The following SLU7 variants were observed in gnomAD, a reference collection of about 807,000 sequenced individuals.
SLU7 encodes pre-mRNA-splicing factor SLU7.
A neutral mutation model predicts 87.0 loss-of-function variants in SLU7; 60 were observed. That is an observed-to-expected ratio of 0.69 (90% CI 0.56 to 0.86). The LOEUF (loss-of-function observed/expected upper bound fraction) is 0.86, where lower values mean the gene tolerates loss of function less well. SLU7 is among the 40% of genes least tolerant of loss of function. The pLI is 0.00. For synonymous variants in SLU7, 197 were observed against 222.0 expected (o/e 0.89, Z 1.00); for missense variants, 507 against 686.6 (o/e 0.74, Z 2.92).
intron 1 of SLU7, chr5:160,417,366 T>C (rs1765498800): frequency 6.6e-6 from 1 of 152,192 alleles, no homozygotes; most frequent in Non-Finnish European, 1.5e-5. Context: ...ATATCCAACA[T>C]ATTATAATTG....
At chr5:160,410,753 A>G (rs1765196945) in intron 6 of SLU7, among the ~76,000 whole-genome samples, 1 of 152,248 alleles carries the variant, frequency 6.6e-6, no homozygotes, top group Non-Finnish European at 1.5e-5. Context: ...AATCACAACA[A>G]TAATAGCTAC....
chr5:160,413,706 T>C lies in SLU7; in HGVS notation c.406-86A>G, dbSNP rs1440974044. 6.1e-5 allele frequency: 75 copies of C among 1,223,462 alleles called. 1 individual carries two copies. In the East Asian group the frequency reaches 1.7e-3, roughly 28 times the overall value. 75.8% of individuals were successfully genotyped at this position (1,223,462 alleles called of 1,614,324 possible). ...TACAACTTTTACAGAGTGGGCACTT[T>C]ACGATCTATTCAATTTACAGTTAGT... On this transcript the variant is annotated intron_variant, in intron 4 of 15. Transcript: ENST00000297151.
chr5:160,403,167 T>C lies in SLU7; in HGVS notation c.*118A>G. On this transcript the variant is annotated 3_prime_UTR_variant, in exon 16 of 16. Coordinates refer to ENST00000297151, the MANE Select transcript of SLU7 (RefSeq NM_006425.5). ...AACTTACTGTGAGGCATCTGAAATATTTATTAAAGCCAGGCAGCAAGAAGA... is the reference window on the plus strand; with the variant it reads ...AACTTACTGTGAGGCATCTGAAATACTTATTAAAGCCAGGCAGCAAGAAGA... 1.4e-6 allele frequency: 1 copy of C among 725,924 alleles called. No individual in the cohort carries two copies. The allele number at this position is 725,924 out of a possible 1,614,324, so 45.0% of individuals were successfully genotyped here. A position where few individuals can be genotyped will look rare whatever the true frequency, so the allele number is the denominator to read the frequency against.
chr5:160,406,249 A>G (rs1765005813), intron 12 of SLU7: 1 of 385,418 alleles, frequency 2.6e-6, no homozygotes, highest in Non-Finnish European at 4.6e-6. Context: ...ATAAGGCAAT[A>G]TGTTAAAAAT....
Position 160,407,930 on chromosome 5 carries a change from T to C in SLU7, c.917+41A>G, listed in dbSNP as rs1765074639. Reference sequence around the variant, plus strand: ...TGGTCAGGTCAGAAAACAATTAACTTTCTCTCATCTTAAAATCTGTACATT... The same window carrying C: ...TGGTCAGGTCAGAAAACAATTAACTCTCTCTCATCTTAAAATCTGTACATT... On this transcript the variant is annotated intron_variant, in intron 9 of 15. Coordinates refer to ENST00000297151, the MANE Select transcript of SLU7 (RefSeq NM_006425.5). This position sits in a 1 kb window ranked among gnomAD's most constrained non-coding sequence, Gnocchi z 4.2. 6.6e-7 allele frequency: 1 copy of C among 1,512,032 alleles called. No homozygotes were observed. The highest frequency in any genetic ancestry group is 9.2e-7 in the Non-Finnish European group (1 of 1,088,422). 93.7% of individuals were successfully genotyped at this position (1,512,032 alleles called of 1,614,324 possible). A position where few individuals can be genotyped will look rare whatever the true frequency, so the allele number is the denominator to read the frequency against.
In SLU7 at chr5:160,413,521, G is replaced by A. The variant is rs145536528; in HGVS notation, c.505C>T (p.Arg169Trp). 16 of 1,613,698 alleles carry A rather than the reference G, an allele frequency of 9.9e-6. No individual in the cohort carries two copies. Among genetic ancestry groups the A allele is most frequent in the African/African-American group, 8.0e-5 (6 of 74,846 alleles). Reference protein sequence around the residue: ...LMFDYDGKRDRWNGYNPEEHM... With the variant: ...LMFDYDGKRDWWNGYNPEEHM... ...TCTTCTGGATTGTAGCCATTCCACC[G>A]ATCCCTCTTCCCATCATAGTCAAAC... The change falls in exon 5 of 16, where the codon CGG (arginine) becomes TGG (tryptophan). Residue 169 changes from arginine (R) to tryptophan (W), a missense_variant. By Grantham distance (101) the Arg-to-Trp change is moderately radical (BLOSUM62 -3). This residue lies in a region of SLU7 where 155 missense variants were observed against 154.4 expected (regional missense o/e 1.00). Transcript: ENST00000297151.
At chr5:160,404,054 T>G (rs1388520078) in intron 15 of SLU7, among the ~76,000 whole-genome samples, 4 of 152,124 alleles carry the variant, frequency 2.6e-5, no homozygotes, top group African/African-American at 9.7e-5. Flanking sequence ...CACAGGCCAT[T>G]ACAAATAAAG....
chr5:160,405,627 T>C (rs2113105164), intron 12 of SLU7, among the ~76,000 whole-genome samples: 1 of 152,364 alleles, frequency 6.6e-6, no homozygotes, highest in South Asian at 2.1e-4. Context: ...GGACAATATA[T>C]GCTTTATGAT....
At position 160,414,311 on chromosome 5, in the gene SLU7, C is replaced by T; in HGVS notation, c.324+8G>A. 1 of 1,589,442 alleles carries T rather than the reference C, an allele frequency of 6.3e-7. No homozygotes were observed. The highest frequency in any genetic ancestry group is 1.2e-5 in the South Asian group (1 of 86,636). On this transcript the variant is annotated splice_region_variant and intron_variant, in intron 3 of 15. Coordinates refer to ENST00000297151, the MANE Select transcript of SLU7 (RefSeq NM_006425.5). Reference sequence around the variant, plus strand: ...ATCCATGAAGATGTATACAGGTTGCCTACATACCTCTTTTACACCCCTCTT... The same window carrying T: ...ATCCATGAAGATGTATACAGGTTGCTTACATACCTCTTTTACACCCCTCTT...
intron 13 of SLU7, 58 bp from the exon 14 acceptor site, chr5:160,404,938 A>C (rs1764946179): frequency 2.6e-6 from 4 of 1,521,730 alleles, no homozygotes; most frequent in Non-Finnish European, 2.7e-6. Flanking sequence ...ATCTAAGAAC[A>C]AGTTAAAATT....
rs747632258 is a variant in SLU7 at position 160,403,349 on chromosome 5, A to G, written c.1697T>C (p.Met566Thr). The change falls in exon 16 of 16, where the codon ATG (methionine) becomes ACG (threonine). Residue 566 changes from methionine (M) to threonine (T), a missense_variant. Met to Thr is a moderately conservative substitution (Grantham distance 81). Coordinates refer to ENST00000297151, the MANE Select transcript of SLU7 (RefSeq NM_006425.5). ...YETREPTEEE[M>T]EAYRMKRQRP... ...CTGACGTTTCATTCTATATGCCTCC[A>G]TTTCCTCTTCAGTAGGTTCTCGAGT... 49 of 1,613,342 alleles carry G rather than the reference A, an allele frequency of 3.0e-5. No homozygotes were observed. In the East Asian group the frequency reaches 9.4e-4, roughly 31 times the overall value.
chr5:160,413,111 G>T (rs1765307984), intron 5 of SLU7, among the ~76,000 whole-genome samples: 1 of 152,028 alleles, frequency 6.6e-6, no homozygotes, highest in Admixed American at 6.6e-5. Flanking sequence ...TATAAAATAG[G>T]TTCATGGGCA....
rs1226080486 is a variant in SLU7, at chr5:160,407,817, T to C, written c.918-4A>G. ...GTTATCTCCAGCATAACTCACTCTG[T>C]AAATACAAATAAAGAAAATGTTTCA... On this transcript the variant is annotated splice_polypyrimidine_tract_variant and splice_region_variant and intron_variant, in intron 9 of 15. Transcript: ENST00000297151. This position sits in a 1 kb window ranked among gnomAD's most constrained non-coding sequence, Gnocchi z 4.2. 11 of 1,600,244 alleles carry C rather than the reference T, an allele frequency of 6.9e-6. No homozygotes were observed. The highest frequency in any genetic ancestry group is 9.4e-6 in the Non-Finnish European group (11 of 1,168,876).
In SLU7 at chr5:160,413,524, C is replaced by T; in HGVS notation, c.502G>A (p.Asp168Asn). 6.2e-7 allele frequency: 1 copy of T among 1,613,996 alleles called. No individual in the cohort carries two copies. The highest frequency in any genetic ancestry group is 1.3e-5 in the African/African-American group (1 of 75,044). Residue 168 changes from aspartate to asparagine, a missense_variant, in exon 5 of 16, where the codon GAT (aspartate) becomes AAT (asparagine). By Grantham distance (23) the Asp-to-Asn change is conservative. Coordinates refer to ENST00000297151, the MANE Select transcript of SLU7 (RefSeq NM_006425.5). ...TCTGGATTGTAGCCATTCCACCGAT[C>T]CCTCTTCCCATCATAGTCAAACATC... The part of the protein sequence containing the change: ...QLMFDYDGKR[D>N]RWNGYNPEEH...
At position 160,403,339 on chromosome 5, in the gene SLU7, A is replaced by G. The variant is rs377120292; in HGVS notation, c.1707T>C (p.Tyr569=). ...CATCTGGCCTCTGACGTTTCATTCT[A>G]TATGCCTCCATTTCCTCTTCAGTAG... ...REPTEEEMEA[Y]RMKRQRPDDP... is the part of the protein sequence containing the mutation. The change falls in exon 16 of 16, where the codon TAT becomes TAC. Residue 569 remains tyrosine (Y), a synonymous_variant. Coordinates refer to ENST00000297151, the MANE Select transcript of SLU7 (RefSeq NM_006425.5). 6.2e-6 allele frequency: 10 copies of G among 1,613,090 alleles called. No individual in the cohort carries two copies. The highest frequency in any genetic ancestry group is 8.5e-6 in the Non-Finnish European group (10 of 1,179,680).
chr5:160,406,908 T>C (rs1328157906), intron 11 of SLU7, among the ~76,000 whole-genome samples: 5 of 152,232 alleles, frequency 3.3e-5, no homozygotes, highest in Non-Finnish European at 7.3e-5. Context: ...TTGCTTTTCT[T>C]CCCATCAAGA....
chr5:160,405,774 CACT>C (rs1244215493), intron 12 of SLU7, among the ~76,000 whole-genome samples: 3 of 152,116 alleles, frequency 2.0e-5, no homozygotes, highest in Non-Finnish European at 4.4e-5. Flanking sequence ...AGTTATATAA[CACT>C]ACTAGGAACC....
intron 5 of SLU7, 124 bp downstream of exon 5, chr5:160,413,332 G>GAAC: frequency 1.4e-6 from 1 of 731,654 alleles, no homozygotes; most frequent in Non-Finnish European, 2.3e-6. Flanking sequence ...CTATACAGTA[G>GAAC]TACTACTATT....
At chr5:160,415,578 C>T (rs756737465) in intron 1 of SLU7, among the ~76,000 whole-genome samples, 1 of 152,186 alleles carries the variant, frequency 6.6e-6, no homozygotes, top group East Asian at 1.9e-4. Flanking sequence ...CTTAATCCCT[C>T]TTTCTGTGTA....
Sources: gnomAD v4.1 joint callset for allele counts (sites outside exome capture counted in the v4.1 genomes callset) on GRCh38, gnomAD v4.1.1 for gene constraint, gnomAD v4.1.1 regional missense constraint, Gnocchi (gnomAD v3.1) non-coding constraint, MANE v1.5 for transcripts, NCBI Gene and HGNC (gene_info 2026-07-23, HGNC 2026-07-21) for gene names.